DLEC1: variants seen among roughly 807,000 people sequenced by gnomAD.
DLEC1 encodes deleted in lung and esophageal cancer protein 1.
A neutral mutation model predicts 198.1 loss-of-function variants in DLEC1; 146 were observed. The ratio of observed to expected loss-of-function variants is 0.74; its 90% CI spans 0.64 to 0.85. The LOEUF (loss-of-function observed/expected upper bound fraction) is 0.85. Ranked by LOEUF, DLEC1 falls within the 40% of genes least tolerant of loss-of-function variation. The pLI is 0.00. For missense variants in DLEC1, 2,233 were observed against 2,220.0 expected (o/e 1.01, Z -0.12); for synonymous variants, 897 against 866.8 (o/e 1.03, Z -0.61).
chr3:38,075,812 G>A (rs1340673023), intron 6 of DLEC1, among the ~76,000 whole-genome samples: 1 of 151,698 alleles, frequency 6.6e-6, no homozygotes, highest in Non-Finnish European at 1.5e-5. Context: ...TGAAGGAGAA[G>A]GGGTTGAGGG....
rs1470452751 is a variant in DLEC1, at chr3:38,122,615, C to T, written c.*203C>T. 1.6e-5 allele frequency: 24 copies of T among 1,547,806 alleles called. No homozygotes were observed. Among genetic ancestry groups the T allele is most frequent in the Non-Finnish European group, 2.0e-5 (23 of 1,151,724 alleles). ...CTCAGAGCTAACATAAAGGACAGGC[C>T]ACACCACAGCAGAGACCACCACATT... On this transcript the variant is annotated 3_prime_UTR_variant, in exon 37 of 37. Transcript: ENST00000308059.
chr3:38,107,149 G>C (rs549430516), intron 19 of DLEC1, among the ~76,000 whole-genome samples: 71 of 152,174 alleles, frequency 4.7e-4, no homozygotes, highest in African/African-American at 1.6e-3. Context: ...AAATCCTGGG[G>C]GCTCAGTAGG....
At chr3:38,064,486 G>A (rs1039829596) in intron 6 of DLEC1, among the ~76,000 whole-genome samples, 11 of 152,088 alleles carry the variant, frequency 7.2e-5, no homozygotes, top group South Asian at 2.1e-4. Flanking sequence ...TGACAAAACC[G>A]CCATCGGCAT....
Position 38,122,156 on chromosome 3 carries a change from C to G in DLEC1, c.5106C>G (p.Pro1702=), listed in dbSNP as rs1211202740. Reference sequence around the variant, plus strand: ...TAGAAGCACGATCCGCCAATGCACCCCCAACCTCCATCGCCTTGCAGGTTT... The same window carrying G: ...TAGAAGCACGATCCGCCAATGCACCGCCAACCTCCATCGCCTTGCAGGTTT... The part of the protein sequence containing the change: ...GLLEARSANA[P]PTSIALQVFF... The change falls in exon 36 of 37, where the codon CCC becomes CCG. Residue 1702 remains proline (P), a synonymous_variant. Transcript: ENST00000308059. 4.6e-5 allele frequency: 75 copies of G among 1,614,030 alleles called. No homozygotes were observed. The highest frequency in any genetic ancestry group is 6.2e-5 in the Non-Finnish European group (73 of 1,180,010).
intron 13 of DLEC1, 153 bp from the exon 14 acceptor site, chr3:38,095,735 G>A: frequency 1.2e-6 from 1 of 853,806 alleles, no homozygotes; most frequent in Non-Finnish European, 1.9e-6. Context: ...CCTAAGGAGG[G>A]GAGGAGGCAG....
At chr3:38,100,551 T>C in intron 19 of DLEC1, 126 bp downstream of exon 19, 1 of 1,298,856 alleles carries the variant, frequency 7.7e-7, no homozygotes, top group South Asian at 2.1e-5. Flanking sequence ...ATTAGTATTC[T>C]ATAAAATTTG....
At chr3:38,054,617 A>C (rs940389457) in intron 2 of DLEC1, among the ~76,000 whole-genome samples, 13 of 152,218 alleles carry the variant, frequency 8.5e-5, no homozygotes, top group Admixed American at 7.2e-4. Context: ...ACAAACCTGC[A>C]CTTTGACTAG....
At chr3:38,050,123 C>T (rs867275735) in intron 2 of DLEC1, among the ~76,000 whole-genome samples, 7 of 151,590 alleles carry the variant, frequency 4.6e-5, no homozygotes, top group Middle Eastern at 6.8e-3. Context: ...GGCTGGAGTG[C>T]AGTGGTGCAA....
chr3:38,097,202 AC>A lies in DLEC1; in HGVS notation c.2364del (p.Ile789SerfsTer23). The A allele has an allele frequency of 6.3e-7, 1 of 1,579,884 alleles. No homozygotes were observed. The highest frequency in any genetic ancestry group is 1.2e-5 in the South Asian group (1 of 86,592). The stretch of plus-strand genomic sequence containing the variant: ...TTCAGATGTGGAACAACAGCAAGTC[AC>A]CCATCAGATACCTGTGGGGGAAGAT... Reference protein sequence around the residue: ...AFKMWNNSKSPIRYLWGKISD... With the variant: ...AFKMWNNSKSXIRYLWGKISD... On this transcript the variant is annotated frameshift_variant, in exon 16 of 37. Transcript: ENST00000308059. LOFTEE classifies it high-confidence loss of function.
At chr3:38,065,158 G>A (rs868707298) in intron 6 of DLEC1, among the ~76,000 whole-genome samples, 14 of 152,260 alleles carry the variant, frequency 9.2e-5, no homozygotes, top group African/African-American at 2.4e-4. Context: ...CCAGCACAGC[G>A]AAACCCCGTC....
chr3:38,092,333 A>C (rs1197395806), intron 10 of DLEC1, among the ~76,000 whole-genome samples: 1 of 152,218 alleles, frequency 6.6e-6, no homozygotes, highest in Non-Finnish European at 1.5e-5. Context: ...TGGACCTTAA[A>C]TAATTGAACT....
Position 38,115,060 on chromosome 3 carries a change from C to G in DLEC1, c.3856+7C>G, listed in dbSNP as rs1473543805. On this transcript the variant is annotated splice_region_variant and intron_variant, in intron 27 of 36. Transcript: ENST00000308059. ...AATAACTCCAGCCCCTGTGGTAAGA[C>G]ATGCATGAGAGAAGTCAGTGTTCTT... 6.2e-7 allele frequency: 1 copy of G among 1,613,792 alleles called. No individual in the cohort carries two copies. Among genetic ancestry groups the G allele is most frequent in the Admixed American group, 1.7e-5 (1 of 59,976 alleles).
intron 6 of DLEC1, 130 bp from the exon 7 acceptor site, chr3:38,084,028 T>C (rs1698209549): frequency 1.3e-6 from 1 of 786,106 alleles, no homozygotes; most frequent in Non-Finnish European, 2.0e-6. Context: ...CTTCGACAGT[T>C]ACCAACATGT....
chr3:38,045,415 G>T, intron 1 of DLEC1, 128 bp from the exon 2 acceptor site: 8 of 1,280,752 alleles, frequency 6.2e-6, no homozygotes, highest in Non-Finnish European at 8.4e-6. Flanking sequence ...CAGACCAGAT[G>T]GTTGGAATAG....
At position 38,084,140 on chromosome 3, in the gene DLEC1, C is replaced by T. The variant is rs78079267; in HGVS notation, c.1174-18C>T. The T allele has an allele frequency of 3.5e-3, 5,620 of 1,610,726 alleles. 15 individuals carry two copies. Among genetic ancestry groups the T allele is most frequent in the Middle Eastern group, 5.6e-3 (34 of 6,036 alleles). Reference sequence around the variant, plus strand: ...ATAAGTGTTGCTGTCTAAAAGAGATCATCTTACCTTTCAACAGATGGTAAT... The same window carrying T: ...ATAAGTGTTGCTGTCTAAAAGAGATTATCTTACCTTTCAACAGATGGTAAT... On this transcript the variant is annotated intron_variant, in intron 6 of 36. Transcript: ENST00000308059.
chr3:38,072,754 G>A lies in DLEC1; in HGVS notation c.1173+8835G>A, dbSNP rs146744013. 4.8e-3 allele frequency among the ~76,000 whole-genome samples: 733 copies of A among 152,224 alleles called. 9 individuals are homozygous for A. The highest frequency in any genetic ancestry group is 0.017 in the African/African-American group (706 of 41,512). ...GGGGTTGGGGTTTGAGAGATTAGTCGGGCACGATTGGCAGGGAGAGCACGT... is the reference window on the plus strand; with the variant it reads ...GGGGTTGGGGTTTGAGAGATTAGTCAGGCACGATTGGCAGGGAGAGCACGT... On this transcript the variant is annotated intron_variant, in intron 6 of 36. Coordinates refer to ENST00000308059, the MANE Select transcript of DLEC1 (RefSeq NM_007335.4).
rs1355256601 is a variant in DLEC1 at position 38,100,385 on chromosome 3, G to T, written c.2824G>T (p.Glu942Ter). The change falls in exon 19 of 37, where the codon GAG becomes TAG. Residue 942 changes from glutamate (E) to a stop codon, truncating the protein, a stop_gained. Transcript: ENST00000308059. LOFTEE classifies it high-confidence loss of function. ...TLEALHCQHLETVLELEVENG... is the reference protein window; with the variant it reads ...TLEALHCQHL Reference sequence around the variant, plus strand: ...GGAGGCCCTGCACTGCCAGCATCTGGAGACCGTCCTGGAGCTGGAGGTGGA... The same window carrying T: ...GGAGGCCCTGCACTGCCAGCATCTGTAGACCGTCCTGGAGCTGGAGGTGGA... 21 of 1,614,012 alleles carry T rather than the reference G, an allele frequency of 1.3e-5. No homozygotes were observed. Among genetic ancestry groups the T allele is most frequent in the Non-Finnish European group, 1.7e-5 (20 of 1,179,978 alleles).
rs779770522 is a variant in DLEC1 at position 38,117,264 on chromosome 3, C to T, written c.4362C>T (p.Pro1454=). ...RHRLQDFAVG[P]LKLDLHSYVR... The stretch of plus-strand genomic sequence containing the variant: ...GCCTGCAGGACTTTGCGGTGGGACC[C>T]CTGAAACTGGACCTGCATAGCTACG... The change falls in exon 31 of 37, where the codon CCC becomes CCT. Residue 1454 remains proline (P), a synonymous_variant. Transcript: ENST00000308059. The T allele has an allele frequency of 6.2e-7, 1 of 1,614,148 alleles. No individual in the cohort carries two copies. Among genetic ancestry groups the T allele is most frequent in the East Asian group, 2.2e-5 (1 of 44,874 alleles).
intron 32 of DLEC1, 32 bp from the exon 33 acceptor site, chr3:38,117,774 A>G (rs370758131): frequency 1.5e-4 from 235 of 1,610,338 alleles, no homozygotes; most frequent in Non-Finnish European, 1.9e-4. Context: ...GACAAGATGC[A>G]TTCCCTGCCT....
Sources: allele counts gnomAD v4.1 joint callset (sites outside exome capture counted in the v4.1 genomes callset), GRCh38; gene constraint gnomAD v4.1.1; transcripts MANE v1.5; gene names NCBI Gene and HGNC (gene_info 2026-07-23, HGNC 2026-07-21).